The following DST variants were observed in gnomAD, a reference collection of about 807,000 sequenced individuals.
The protein encoded by DST is bullous pemphigoid antigen.
In DST, 253 loss-of-function variants were observed where a neutral mutation model predicts 875.2. The ratio of observed to expected loss-of-function variants is 0.29; its 90% CI spans 0.26 to 0.32. The LOEUF is 0.32. DST is among the 10% of genes least tolerant of loss of function. The probability of loss-of-function intolerance (pLI) is 1.00; values close to 1 mark genes in which losing one functional copy is unlikely to be tolerated. For missense variants in DST, 8,287 were observed against 9,111.6 expected, an observed-to-expected ratio of 0.91 and a Z score of 3.68; for synonymous variants, 3,124 against 3,197.1, an observed-to-expected ratio of 0.98 and a Z score of 0.77.
At chr6:56,824,455 G>A (rs1439306087) in intron 4 of DST, among the ~76,000 whole-genome samples, 1 of 152,088 alleles carries the variant, frequency 6.6e-6, no homozygotes, top group Non-Finnish European at 1.5e-5. Context: ...GAGCGTCTCT[G>A]CCTGGCTGCC....
chr6:56,604,923 G>A lies in DST; in HGVS notation c.9705C>T (p.Asp3235=). ...TKEKSTSTQK[D]SPLNDMIQSN... ...TTTGGATCATGTCATTAAGAGGTGA[G>A]TCTTTTTGGGTACTAGTGGACTTCT... Residue 3235 remains aspartate, a synonymous_variant, in exon 40 of 104, where the codon GAC becomes GAT. Transcript: ENST00000680361. The A allele has an allele frequency of 6.2e-7, 1 of 1,612,654 alleles. No homozygotes were observed. The highest frequency in any genetic ancestry group is 1.7e-4 in the Middle Eastern group (1 of 6,054).
intron 9 of DST, among the ~76,000 whole-genome samples, chr6:56,675,604 A>G (rs1013656568): frequency 3.3e-5 from 5 of 152,214 alleles, no homozygotes; most frequent in Non-Finnish European, 5.9e-5. Context: ...CTGTAATCCT[A>G]GCACTTTGGT....
At chr6:56,664,768 A>AG (rs1203682160) in intron 10 of DST, among the ~76,000 whole-genome samples, 3 of 152,156 alleles carry the variant, frequency 2.0e-5, no homozygotes, top group Non-Finnish European at 4.4e-5. Context: ...TTTAGCAATA[A>AG]GGTTGTATTA....
intron 4 of DST, among the ~76,000 whole-genome samples, chr6:56,760,507 C>A (rs544056776): frequency 4.6e-5 from 7 of 152,200 alleles, no homozygotes; most frequent in East Asian, 1.9e-4. Flanking sequence ...GAGCTCAGAT[C>A]TTTTGGCCAG....
At chr6:56,570,056 G>A (rs1562869860) in intron 53 of DST, 44 bp from the exon 54 acceptor site, 1 of 1,338,988 alleles carries the variant, frequency 7.5e-7, no homozygotes, top group East Asian at 2.4e-5. Flanking sequence ...ACAGAAAGAA[G>A]AATAAATAAA....
At chr6:56,532,721 G>A (rs917105023) in intron 63 of DST, among the ~76,000 whole-genome samples, 11 of 152,100 alleles carry the variant, frequency 7.2e-5, no homozygotes, top group African/African-American at 2.7e-4. Context: ...GCTTTTCACA[G>A]TAGACAAAAC....
chr6:56,728,375 C>G (rs917851925), intron 5 of DST, among the ~76,000 whole-genome samples: 7 of 152,112 alleles, frequency 4.6e-5, no homozygotes, highest in Non-Finnish European at 7.4e-5. Context: ...CAATTTCATA[C>G]AAGTCTCCAA....
chr6:56,638,893 T>A (rs1587479367), intron 22 of DST: 2 of 317,446 alleles, frequency 6.3e-6, no homozygotes, highest in East Asian at 1.6e-4. Flanking sequence ...CTCTATGGAT[T>A]AGAGGTAATC....
At position 56,520,766 on chromosome 6, in the gene DST, C is replaced by G. The variant is rs376109916; in HGVS notation, c.18130-3146G>C. On this transcript the variant is annotated intron_variant, in intron 69 of 103. Coordinates refer to ENST00000680361, the MANE Select transcript of DST (RefSeq NM_001374736.1). ...AATTTTAAAAGAAAGAAAACCAACT[C>G]TGTGGGTAACGTCTCACCTATCAGT... is the stretch of plus-strand genomic sequence containing the variant. 2.4e-4 allele frequency among the ~76,000 whole-genome samples: 37 copies of G among 151,938 alleles called. No individual in the cohort carries two copies. In the East Asian group the frequency reaches 7.2e-3, roughly 29 times the overall value.
intron 3 of DST, among the ~76,000 whole-genome samples, chr6:56,892,322 C>CTTT (rs1167025436): frequency 5.2e-5 from 7 of 133,932 alleles, no homozygotes; most frequent in African/African-American, 1.7e-4. Flanking sequence ...ATTCCTATCC[C>CTTT]TTTTTTTTTT....
At position 56,605,322 on chromosome 6, in the gene DST, T is replaced by G. The variant is rs770941216; in HGVS notation, c.9306A>C (p.Glu3102Asp). The change falls in exon 40 of 104, where the codon GAA (glutamate) becomes GAC (aspartate). Residue 3102 changes from glutamate to aspartate, a missense_variant. Physicochemically the swap from Glu to Asp is conservative, Grantham distance 45 (BLOSUM62 2). This residue lies in a region of DST where 3,138 missense variants were observed against 3,116.6 expected (regional missense o/e 1.01). Transcript: ENST00000680361. ...FPFPQITNNE[E>D]LNQKGSLKKA... ...TTTTAAGGCTTCCTTTCTGATTAAG[T>G]TCTTCATTGTTTGTGATTTGTGGAA... The G allele has an allele frequency of 6.2e-7, 1 of 1,612,344 alleles. No individual in the cohort carries two copies. Among genetic ancestry groups the G allele is most frequent in the Admixed American group, 1.7e-5 (1 of 59,750 alleles).
chr6:56,485,263 A>T (rs1486702914), intron 88 of DST, 49 bp downstream of exon 88: 2 of 1,599,632 alleles, frequency 1.3e-6, no homozygotes, highest in South Asian at 2.2e-5. Flanking sequence ...TTTCCTGTAC[A>T]CTCAGAATAA....
intron 1 of DST, 91 bp from the exon 2 acceptor site, chr6:56,953,910 G>A (rs2127827801): frequency 1.1e-6 from 1 of 887,156 alleles, no homozygotes; most frequent in South Asian, 1.5e-5. Flanking sequence ...ACCAGGGTTG[G>A]GAAAGCACAT....
At chr6:56,856,659 C>A (rs1029220696) in intron 3 of DST, among the ~76,000 whole-genome samples, 4 of 152,092 alleles carry the variant, frequency 2.6e-5, no homozygotes, top group Admixed American at 2.6e-4. Flanking sequence ...AATTCATGAA[C>A]CTTGGTTGGA....
chr6:56,492,840 C>A, intron 84 of DST, 94 bp downstream of exon 84: 1 of 1,111,984 alleles, frequency 9.0e-7, no homozygotes, highest in East Asian at 2.7e-5. Flanking sequence ...CCACCACAGT[C>A]CTGGACGACA....
chr6:56,882,743 T>C (rs1383907841), intron 3 of DST, among the ~76,000 whole-genome samples: 1 of 152,226 alleles, frequency 6.6e-6, no homozygotes, highest in Non-Finnish European at 1.5e-5. Context: ...AAGATATATG[T>C]GTAATTTGCT....
chr6:56,483,758 T>G (rs1433169719), intron 88 of DST: 2 of 152,024 alleles, frequency 1.3e-5, no homozygotes, highest in African/African-American at 4.8e-5. Context: ...TAAATGAATA[T>G]TACCATTTGG....
chr6:56,688,000 G>T (rs1352567621), intron 9 of DST, among the ~76,000 whole-genome samples: 1 of 152,106 alleles, frequency 6.6e-6, no homozygotes, highest in East Asian at 1.9e-4. Flanking sequence ...CAAACAGAGG[G>T]GAAAGGCTAC....
intron 44 of DST, 50 bp from the exon 45 acceptor site, chr6:56,600,271 T>A: frequency 6.4e-7 from 1 of 1,554,922 alleles, no homozygotes; most frequent in Non-Finnish European, 8.8e-7. Flanking sequence ...GGTCACAAAA[T>A]CGCTATTGTG....
Sources: gnomAD v4.1 joint callset for allele counts (sites outside exome capture counted in the v4.1 genomes callset) on GRCh38, gnomAD v4.1.1 for gene constraint, gnomAD v4.1.1 regional missense constraint, MANE v1.5 for transcripts, NCBI Gene and HGNC (gene_info 2026-07-23, HGNC 2026-07-21) for gene names.